CNOT4: variants seen among roughly 807,000 people sequenced by gnomAD.
CNOT4 encodes the protein CCR4-NOT transcription complex subunit 4.
Under a neutral mutation model 73.8 loss-of-function variants are expected in CNOT4, and 8 were observed. That is an observed-to-expected ratio of 0.11 (90% CI 0.06 to 0.20). The LOEUF (loss-of-function observed/expected upper bound fraction) is 0.20. Among genes scored for constraint, CNOT4 ranks in the 10% least tolerant of loss-of-function variants. CNOT4 has a pLI of 1.00. For missense variants in CNOT4, 564 were observed against 883.4 expected (o/e 0.64, Z 4.58); for synonymous variants, 293 against 321.1 (o/e 0.91, Z 0.94).
chr7:135,467,753 A>G (rs1403373885), intron 1 of CNOT4, among the ~76,000 whole-genome samples: 2 of 152,068 alleles, frequency 1.3e-5, no homozygotes, highest in Non-Finnish European at 2.9e-5. Flanking sequence ...ACTTCTGGAA[A>G]ATATGAATAT....
chr7:135,380,229 T>C (rs1795769080), intron 10 of CNOT4, among the ~76,000 whole-genome samples: 1 of 152,234 alleles, frequency 6.6e-6, no homozygotes, highest in Non-Finnish European at 1.5e-5. Context: ...ATCTTTAGTG[T>C]GTATGTAATA....
chr7:135,505,577 C>T (rs753393356), intron 1 of CNOT4, among the ~76,000 whole-genome samples: 1 of 152,038 alleles, frequency 6.6e-6, no homozygotes, highest in Non-Finnish European at 1.5e-5. Context: ...GAAAAAAAGC[C>T]ATACTCACAA....
At chr7:135,407,095 A>G (rs1467175503) in intron 7 of CNOT4, among the ~76,000 whole-genome samples, 1 of 152,052 alleles carries the variant, frequency 6.6e-6, no homozygotes, top group African/African-American at 2.4e-5. Context: ...CTGGTCATTT[A>G]AAAGTGTGTG....
At chr7:135,497,506 T>C (rs1803667672) in intron 1 of CNOT4, among the ~76,000 whole-genome samples, 1 of 152,164 alleles carries the variant, frequency 6.6e-6, no homozygotes, top group Non-Finnish European at 1.5e-5. Context: ...CTGTTTGGGT[T>C]GCTTAAAATA....
At position 135,422,322 on chromosome 7, in the gene CNOT4, G is replaced by T; in HGVS notation, c.206C>A (p.Pro69Gln). Residue 69 changes from proline (P) to glutamine (Q), a missense_variant, in exon 3 of 12, where the codon CCA (proline) becomes CAA (glutamine). Coordinates refer to ENST00000541284, the MANE Select transcript of CNOT4 (RefSeq NM_001190850.2). ...CCTTTGCAGCTCTTCCTGGGAGAGTGGTTTATAAACTGCTGGGTCTTCTGG... is the reference window on the plus strand; with the variant it reads ...CCTTTGCAGCTCTTCCTGGGAGAGTTGTTTATAAACTGCTGGGTCTTCTGG... ...PYPEDPAVYK[P>Q]LSQEELQRIK... The T allele has an allele frequency of 1.3e-6, 2 of 1,559,566 alleles. No homozygotes were observed. The highest frequency in any genetic ancestry group is 1.8e-6 in the Non-Finnish European group (2 of 1,130,770).
At chr7:135,489,119 G>T (rs560782282) in intron 1 of CNOT4, among the ~76,000 whole-genome samples, 5 of 151,892 alleles carry the variant, frequency 3.3e-5, no homozygotes, top group Non-Finnish European at 7.4e-5. Flanking sequence ...GGGCCAAAGA[G>T]AAATATAAGT....
intron 10 of CNOT4, among the ~76,000 whole-genome samples, chr7:135,381,575 A>C (rs1005051427): frequency 3.3e-5 from 5 of 152,192 alleles, no homozygotes; most frequent in Non-Finnish European, 5.9e-5. Context: ...CGGAATATTT[A>C]AAGGTTTAAC....
At chr7:135,489,311 A>G (rs1802945920) in intron 1 of CNOT4, among the ~76,000 whole-genome samples, 1 of 151,442 alleles carries the variant, frequency 6.6e-6, no homozygotes, top group Non-Finnish European at 1.5e-5. Flanking sequence ...TACACATTTT[A>G]TAAAATTTTG....
intron 10 of CNOT4, among the ~76,000 whole-genome samples, chr7:135,373,771 G>A (rs1795354968): frequency 1.3e-5 from 2 of 151,772 alleles, no homozygotes; most frequent in Admixed American, 1.3e-4. Flanking sequence ...TAGTAGAGAC[G>A]GGGTTTCACC....
At chr7:135,442,379 C>T (rs1273290913) in intron 1 of CNOT4, among the ~76,000 whole-genome samples, 4 of 151,842 alleles carry the variant, frequency 2.6e-5, no homozygotes, top group Non-Finnish European at 5.9e-5. Flanking sequence ...GGCGGATCAC[C>T]TGAGGTCAGG....
chr7:135,495,690 AAAAGAAAG>A (rs796412528), intron 1 of CNOT4, among the ~76,000 whole-genome samples: 4,158 of 38,314 alleles, frequency 0.11, 354 homozygotes, highest in Admixed American at 0.14. Flanking sequence ...AAAAAAAAAA[AAAAGAAAG>A]AAAGAAAGAA....
In CNOT4 at chr7:135,394,123, C is replaced by T. The variant is rs1796550983; in HGVS notation, c.1422G>A (p.Gln474=). The T allele has an allele frequency of 6.2e-7, 1 of 1,614,152 alleles. No individual in the cohort carries two copies. Among genetic ancestry groups the T allele is most frequent in the Non-Finnish European group, 8.5e-7 (1 of 1,180,030 alleles). Residue 474 remains glutamine, a synonymous_variant, in exon 10 of 12, where the codon CAG becomes CAA. Coordinates refer to ENST00000541284, the MANE Select transcript of CNOT4 (RefSeq NM_001190850.2). ...GGTGCTGCTGAAATTGAGGGAACCTCTGGGGCAAGACTGAAAAGGTACTAT... is the reference window on the plus strand; with the variant it reads ...GGTGCTGCTGAAATTGAGGGAACCTTTGGGGCAAGACTGAAAAGGTACTAT... ...SLNSTFSVLP[Q]RFPQFQQHRA...
At chr7:135,377,124 T>A (rs1253709331) in intron 10 of CNOT4, among the ~76,000 whole-genome samples, 3 of 152,208 alleles carry the variant, frequency 2.0e-5, no homozygotes, top group Admixed American at 2.0e-4. Context: ...TTTTTTAAAA[T>A]AAGCATTGAT....
intron 3 of CNOT4, among the ~76,000 whole-genome samples, chr7:135,416,702 C>G (rs1797893939): frequency 6.6e-6 from 1 of 152,140 alleles, no homozygotes. Flanking sequence ...CACAGGTTGT[C>G]CTGCATCAGC....
intron 10 of CNOT4, among the ~76,000 whole-genome samples, chr7:135,374,167 G>T (rs1051077716): frequency 4.6e-5 from 7 of 152,046 alleles, no homozygotes; most frequent in African/African-American, 7.2e-5. Flanking sequence ...TTCCCCTTCT[G>T]CTGCCCATCT....
chr7:135,505,350 C>T (rs1804294712), intron 1 of CNOT4, among the ~76,000 whole-genome samples: 1 of 152,010 alleles, frequency 6.6e-6, no homozygotes, highest in Non-Finnish European at 1.5e-5. Flanking sequence ...GTCAGCAGTT[C>T]GAGAACAGCT....
intron 1 of CNOT4, among the ~76,000 whole-genome samples, chr7:135,470,380 C>G (rs762172941): frequency 2.6e-5 from 4 of 151,798 alleles, no homozygotes; most frequent in Non-Finnish European, 5.9e-5. Flanking sequence ...TATGCTCCTC[C>G]TCAGCCTCCC....
chr7:135,419,648 TA>T (rs1284458000), intron 3 of CNOT4, among the ~76,000 whole-genome samples: 2 of 152,156 alleles, frequency 1.3e-5, no homozygotes, highest in African/African-American at 2.4e-5. Context: ...AGACTCATGA[TA>T]AAGTACTCTC....
intron 10 of CNOT4, among the ~76,000 whole-genome samples, chr7:135,375,166 GGATT>G (rs1563011945): frequency 6.6e-6 from 1 of 152,058 alleles, no homozygotes; most frequent in Non-Finnish European, 1.5e-5. Context: ...GATCATATGT[GGATT>G]ATTATATTCA....
Sources: allele counts gnomAD v4.1 joint callset (sites outside exome capture counted in the v4.1 genomes callset), GRCh38; gene constraint gnomAD v4.1.1; transcripts MANE v1.5; gene names NCBI Gene and HGNC (gene_info 2026-07-23, HGNC 2026-07-21).